Variants in ALK observed in about 807,000 individuals in gnomAD.
The protein encoded by ALK is ALK tyrosine kinase receptor.
Under a neutral mutation model 163.1 loss-of-function variants are expected in ALK, and 74 were observed. That is an observed-to-expected ratio of 0.45 (90% confidence interval 0.38 to 0.55). The LOEUF is 0.55. Ranked by LOEUF, ALK falls within the 20% of genes least tolerant of loss-of-function variation. The probability of loss-of-function intolerance (pLI) is 0.00; values close to 1 mark genes in which losing one functional copy is unlikely to be tolerated. For synonymous variants in ALK, 960 were observed against 843.2 expected, an observed-to-expected ratio of 1.14 and a Z score of -2.40; for missense variants, 2,063 against 2,105.3, an observed-to-expected ratio of 0.98 and a Z score of 0.39.
In ALK at chr2:29,920,327, G is replaced by C; in HGVS notation, c.333C>G (p.Thr111=). Residue 111 remains threonine (T), a synonymous_variant, in exon 1 of 29, where the codon ACC becomes ACG. Transcript: ENST00000389048. The stretch of plus-strand genomic sequence containing the variant: ...CCTCTGCCGGGGCTGGTGAACCGGC[G>C]GTCCAGGAGACCCCCGGCGCCGGCC... ...LLGPAPGVSW[T]AGSPAPAEAR... 6.4e-7 allele frequency: 1 copy of C among 1,553,326 alleles called. No individual in the cohort carries two copies. The highest frequency in any genetic ancestry group is 2.4e-5 in the East Asian group (1 of 41,346).
At chr2:29,872,739 A>G (rs939517179) in intron 1 of ALK, among the ~76,000 whole-genome samples, 1 of 152,222 alleles carries the variant, frequency 6.6e-6, no homozygotes, top group Non-Finnish European at 1.5e-5. Context: ...TCATAAGTCA[A>G]CCTACTGTAA....
chr2:29,413,367 G>A (rs1669778891), intron 4 of ALK, among the ~76,000 whole-genome samples: 1 of 149,780 alleles, frequency 6.7e-6, no homozygotes, highest in South Asian at 2.1e-4. Flanking sequence ...TTTTTTTTGA[G>A]ATGGAGCCTC....
At chr2:29,505,711 A>T (rs532546515) in intron 4 of ALK, among the ~76,000 whole-genome samples, 4 of 151,974 alleles carry the variant, frequency 2.6e-5, no homozygotes, top group African/African-American at 9.7e-5. Flanking sequence ...CAGCCACATC[A>T]GATAATTCAT....
At chr2:29,565,887 AAAG>A (rs1465110362) in intron 3 of ALK, among the ~76,000 whole-genome samples, 1 of 152,230 alleles carries the variant, frequency 6.6e-6, no homozygotes, top group Non-Finnish European at 1.5e-5. Context: ...GAGGAAAGAA[AAAG>A]AAGAGAAAAG....
At chr2:29,307,649 C>T (rs1025325033) in intron 8 of ALK, among the ~76,000 whole-genome samples, 1 of 152,200 alleles carries the variant, frequency 6.6e-6, no homozygotes, top group African/African-American at 2.4e-5. Context: ...TGACTCACTG[C>T]AAAATCCAGT....
intron 1 of ALK, among the ~76,000 whole-genome samples, chr2:29,825,629 A>C (rs149696465): frequency 6.6e-6 from 1 of 152,330 alleles, no homozygotes; most frequent in African/African-American, 2.4e-5. Context: ...TGACTTCTAA[A>C]GGAATCCTAG....
At chr2:29,572,648 C>T (rs1350171569) in intron 3 of ALK, among the ~76,000 whole-genome samples, 4 of 152,300 alleles carry the variant, frequency 2.6e-5, no homozygotes, top group Non-Finnish European at 4.4e-5. Flanking sequence ...TAACCTTTAG[C>T]GTCTATGATC....
chr2:29,346,558 A>G lies in ALK; in HGVS notation c.1283-18077T>C, dbSNP rs116575833. 5.0e-3 allele frequency among the ~76,000 whole-genome samples: 769 copies of G among 152,366 alleles called. 6 individuals carry two copies. The highest frequency in any genetic ancestry group is 5.6e-3 in the Non-Finnish European group (382 of 68,036). On this transcript the variant is annotated intron_variant, in intron 5 of 28. Transcript: ENST00000389048. ...TTTCTGAATCACACTGTAGACCCAT[A>G]TTTCTGACAGAGGCACAAATTGCTA... is the stretch of plus-strand genomic sequence containing the variant.
intron 1 of ALK, among the ~76,000 whole-genome samples, chr2:29,852,046 G>A (rs568747941): frequency 6.6e-6 from 1 of 152,268 alleles, no homozygotes; most frequent in Admixed American, 6.5e-5. Flanking sequence ...CTGCCTGCAG[G>A]GGAAGATAGA....
chr2:29,530,007 T>C (rs935576867), intron 4 of ALK, among the ~76,000 whole-genome samples: 4 of 150,462 alleles, frequency 2.7e-5, no homozygotes, highest in Middle Eastern at 3.5e-3. Context: ...GGCACTGACA[T>C]GGCAAGTCCC....
At chr2:29,881,253 G>A (rs765363159) in intron 1 of ALK, among the ~76,000 whole-genome samples, 4 of 152,196 alleles carry the variant, frequency 2.6e-5, no homozygotes, top group South Asian at 2.1e-4. Context: ...CTAAGTGAAC[G>A]CTGAAGGAAG....
intron 4 of ALK, among the ~76,000 whole-genome samples, chr2:29,442,049 G>A (rs1012247481): frequency 1.3e-5 from 2 of 152,150 alleles, no homozygotes; most frequent in African/African-American, 4.8e-5. Context: ...AATCTTCACA[G>A]GAAGCAGGCT....
chr2:29,419,549 T>TA (rs950449336), intron 4 of ALK, among the ~76,000 whole-genome samples: 1 of 151,278 alleles, frequency 6.6e-6, no homozygotes, highest in African/African-American at 2.5e-5. Context: ...AAAAATGTGG[T>TA]ATGAACCTGC....
At chr2:29,218,092 T>C (rs1273686048) in intron 23 of ALK, among the ~76,000 whole-genome samples, 1 of 151,998 alleles carries the variant, frequency 6.6e-6, no homozygotes, top group Non-Finnish European at 1.5e-5. Flanking sequence ...CACAAACACA[T>C]CTGCATTGGT....
At position 29,468,853 on chromosome 2, in the gene ALK, C is replaced by CAAA. The variant is rs70958265; in HGVS notation, c.1154+63059_1154+63061dup. On this transcript the variant is annotated intron_variant, in intron 4 of 28. Transcript: ENST00000389048. ...TGGGCAGTAGAGTGAGACCCTGCCT[C>CAAA]AAAAAAAAAAAAAAAAAAAAAAAAA... Among the ~76,000 whole-genome samples, 184 of 30,916 alleles carry CAAA rather than the reference C, an allele frequency of 6.0e-3. 26 individuals are homozygous for CAAA. The highest frequency in any genetic ancestry group is 0.011 in the South Asian group (5 of 446). The allele number at this position is 30,916 out of a possible 152,430, so 20.3% of individuals were successfully genotyped here.
chr2:29,364,605 G>A (rs10865509), intron 5 of ALK, among the ~76,000 whole-genome samples: 97,194 of 152,000 alleles, frequency 0.64, 31,366 homozygotes, highest in East Asian at 0.87. Flanking sequence ...CTTGCTAAGC[G>A]TTTCTTAGAA....
Position 29,777,556 on chromosome 2 carries a change from C to T in ALK, c.668-59859G>A, listed in dbSNP as rs185951818. Reference sequence around the variant, plus strand: ...AATTCATGCAGCAACTTCTCGCTGACTGGCTGGCTTTCTCTTCCCCATGTG... The same window carrying T: ...AATTCATGCAGCAACTTCTCGCTGATTGGCTGGCTTTCTCTTCCCCATGTG... On this transcript the variant is annotated intron_variant, in intron 1 of 28. Transcript: ENST00000389048. Among the ~76,000 whole-genome samples, 4 of 152,292 alleles carry T rather than the reference C, an allele frequency of 2.6e-5. No individual in the cohort carries two copies. The East Asian group carries it at 7.7e-4, about 29-fold the overall frequency.
In ALK at chr2:29,694,959, A is replaced by T. The variant is rs759250272; in HGVS notation, c.843T>A (p.His281Gln). Residue 281 changes from histidine to glutamine, a missense_variant, in exon 3 of 29, where the codon CAT (histidine) becomes CAA (glutamine). This residue lies in a region of ALK where 987 missense variants were observed against 939.5 expected (regional missense o/e 1.05). Transcript: ENST00000389048. ...AGGACCAGCTCTGGTTCCTGAGGTC[A>T]TGCAGTGGAGGGGAATACTCCAGCT... The part of the protein sequence containing the change: ...PCELEYSPPL[H>Q]DLRNQSWSWR... The T allele has an allele frequency of 3.7e-6, 6 of 1,613,994 alleles. No individual in the cohort carries two copies. The East Asian group carries it at 1.3e-4, about 36-fold the overall frequency.
intron 3 of ALK, among the ~76,000 whole-genome samples, chr2:29,672,511 A>G (rs1677733685): frequency 8.5e-6 from 1 of 117,150 alleles, no homozygotes; most frequent in South Asian, 2.9e-4. Context: ...TGAACTCATC[A>G]TTTTTTATGG....
Sources: allele counts gnomAD v4.1 joint callset (sites outside exome capture counted in the v4.1 genomes callset), GRCh38; gene constraint gnomAD v4.1.1; regional missense constraint gnomAD v4.1.1; transcripts MANE v1.5; gene names NCBI Gene and HGNC (gene_info 2026-07-23, HGNC 2026-07-21).